DRC1: variants seen among roughly 807,000 people sequenced by gnomAD.
DRC1 encodes the protein dynein regulatory complex protein 1.
Under a neutral mutation model 98.7 loss-of-function variants are expected in DRC1, and 74 were observed. That is an observed-to-expected ratio of 0.75 (90% confidence interval 0.62 to 0.91). The LOEUF is 0.91. Ranked by LOEUF, DRC1 falls within the 40% of genes least tolerant of loss-of-function variation. The pLI, the probability that DRC1 is intolerant of heterozygous loss-of-function variation, is 0.00. For synonymous variants in DRC1, 336 were observed against 334.1 expected, an observed-to-expected ratio of 1.01 and a Z score of -0.06; for missense variants, 875 against 886.0, an observed-to-expected ratio of 0.99 and a Z score of 0.16.
chr2:26,414,210 T>C (rs1269219792), intron 1 of DRC1, 134 bp from the exon 2 acceptor site: 1 of 683,924 alleles, frequency 1.5e-6, no homozygotes, highest in African/African-American at 1.8e-5. Flanking sequence ...CTCCTGGCCT[T>C]AAGCAATCCT....
intron 7 of DRC1, among the ~76,000 whole-genome samples, chr2:26,434,576 A>G (rs1663521623): frequency 6.6e-6 from 1 of 152,180 alleles, no homozygotes; most frequent in South Asian, 2.1e-4. Context: ...TCCTGCCCTC[A>G]AGGAACTTAT....
chr2:26,403,970 C>T lies in DRC1; in HGVS notation c.155+1826C>T, dbSNP rs570881516. Among the ~76,000 whole-genome samples, 38 of 150,552 alleles carry T rather than the reference C, an allele frequency of 2.5e-4. No individual in the cohort carries two copies. In the South Asian group the frequency reaches 5.5e-3, roughly 22 times the overall value. On this transcript the variant is annotated intron_variant, in intron 1 of 16. Coordinates refer to ENST00000288710, the MANE Select transcript of DRC1 (RefSeq NM_145038.5). ...CAAAAATTAGCCAGGCATGGTGGCGCGCGCCTGTAATCCCAGCTACTCAGG... is the reference window on the plus strand; with the variant it reads ...CAAAAATTAGCCAGGCATGGTGGCGTGCGCCTGTAATCCCAGCTACTCAGG...
intron 2 of DRC1, among the ~76,000 whole-genome samples, chr2:26,418,548 T>G (rs1678892055): frequency 8.8e-6 from 1 of 113,044 alleles, no homozygotes; most frequent in South Asian, 2.4e-4. Flanking sequence ...TATTATAAAT[T>G]ATATATAATT....
chr2:26,442,077 A>G (rs913405321), intron 8 of DRC1, among the ~76,000 whole-genome samples: 11 of 152,226 alleles, frequency 7.2e-5, no homozygotes, highest in African/African-American at 2.4e-4. Flanking sequence ...TGAGGGCTGC[A>G]TCTTTCAGAG....
intron 6 of DRC1, among the ~76,000 whole-genome samples, chr2:26,431,591 G>A (rs963550715): frequency 6.6e-6 from 1 of 152,026 alleles, no homozygotes; most frequent in Non-Finnish European, 1.5e-5. Context: ...TGATTTCAGG[G>A]TCTGTGCGTA....
chr2:26,442,977 A>C (rs1197653364), intron 8 of DRC1, among the ~76,000 whole-genome samples: 1 of 152,188 alleles, frequency 6.6e-6, no homozygotes, highest in Non-Finnish European at 1.5e-5. Flanking sequence ...CATTGGGAAA[A>C]AACACTTTGG....
Position 26,402,111 on chromosome 2 carries a change from T to C in DRC1, c.122T>C (p.Leu41Pro), listed in dbSNP as rs546435289. The change falls in exon 1 of 17, where the codon CTC becomes CCC. Residue 41 changes from leucine to proline, a missense_variant. Leu to Pro is a moderately conservative substitution (Grantham distance 98). Transcript: ENST00000288710. ...NSQERIQARR[L>P]RIAARLEARR... ...CAGGAGCGCATCCAGGCCCGGCGCC[T>C]CCGCATCGCTGCGCGCTTAGAAGCC... 3 of 1,611,328 alleles carry C rather than the reference T, an allele frequency of 1.9e-6. No individual in the cohort carries two copies. The highest frequency in any genetic ancestry group is 1.1e-5 in the South Asian group (1 of 90,930).
intron 7 of DRC1, among the ~76,000 whole-genome samples, chr2:26,437,000 G>T (rs1663590819): frequency 6.6e-6 from 1 of 152,090 alleles, no homozygotes; most frequent in Middle Eastern, 3.2e-3. Context: ...CTTTTCTATT[G>T]GACTTTTGTG....
At chr2:26,428,109 T>C (rs773806992) in intron 4 of DRC1, among the ~76,000 whole-genome samples, 3 of 152,246 alleles carry the variant, frequency 2.0e-5, no homozygotes, top group Non-Finnish European at 4.4e-5. Context: ...ATCTTTAGTT[T>C]TTCTGCATAT....
At chr2:26,426,943 T>C (rs75527221) in intron 4 of DRC1, among the ~76,000 whole-genome samples, 3,428 of 152,224 alleles carry the variant, frequency 0.023, 122 homozygotes, top group African/African-American at 0.076. Context: ...TTTCTTTTAG[T>C]AATGTTTTAC....
At chr2:26,419,210 T>A (rs1188618397) in intron 2 of DRC1, among the ~76,000 whole-genome samples, 2 of 152,128 alleles carry the variant, frequency 1.3e-5, no homozygotes, top group Non-Finnish European at 1.5e-5. Context: ...TTAACAATTT[T>A]TACATGATAC....
chr2:26,439,904 A>G (rs1472890842), intron 7 of DRC1, among the ~76,000 whole-genome samples: 1 of 34,044 alleles, frequency 2.9e-5, no homozygotes, highest in Admixed American at 2.0e-4. Flanking sequence ...CCCACAAGCT[A>G]GGGCCAACTA....
chr2:26,431,792 T>A (rs768836266), intron 6 of DRC1, 92 bp from the exon 7 acceptor site: 1 of 1,547,350 alleles, frequency 6.5e-7, no homozygotes, highest in Non-Finnish European at 8.7e-7. Flanking sequence ...ACTTCCAAAC[T>A]CTCCCCTGTG....
At chr2:26,434,367 C>CAA (rs1180736558) in intron 7 of DRC1, among the ~76,000 whole-genome samples, 2 of 152,174 alleles carry the variant, frequency 1.3e-5, no homozygotes, top group Non-Finnish European at 2.9e-5. Flanking sequence ...CTGCTAGAAA[C>CAA]ATTTAATTCT....
chr2:26,410,474 G>A (rs1018950018), intron 1 of DRC1, among the ~76,000 whole-genome samples: 9 of 152,048 alleles, frequency 5.9e-5, no homozygotes, highest in African/African-American at 1.9e-4. Flanking sequence ...GTTTCACCAT[G>A]TTGGCCAGGC....
At chr2:26,435,334 C>G (rs952497831) in intron 7 of DRC1, among the ~76,000 whole-genome samples, 2 of 152,138 alleles carry the variant, frequency 1.3e-5, no homozygotes, top group Non-Finnish European at 1.5e-5. Flanking sequence ...TGCCATTAGT[C>G]TTGGGAACAT....
rs190254726 is a variant in DRC1, at chr2:26,454,595, G to A, written c.1920-52G>A. ...AGGCCTGTGACTGGCACTGCCTGGG[G>A]GCCTGGGTAGTACCCAATGGACATG... is the stretch of plus-strand genomic sequence containing the variant. On this transcript the variant is annotated intron_variant, in intron 14 of 16. Coordinates refer to ENST00000288710, the MANE Select transcript of DRC1 (RefSeq NM_145038.5). The surrounding 1 kb of genome is among the most constrained non-coding windows in gnomAD (Gnocchi z 5.2). The A allele has an allele frequency of 1.2e-6, 2 of 1,603,504 alleles. No homozygotes were observed. The highest frequency in any genetic ancestry group is 8.5e-7 in the Non-Finnish European group (1 of 1,173,868).
intron 8 of DRC1, among the ~76,000 whole-genome samples, chr2:26,441,755 T>C (rs1229659690): frequency 2.6e-5 from 4 of 152,146 alleles, no homozygotes; most frequent in African/African-American, 9.7e-5. Flanking sequence ...GAGGCAGAGC[T>C]TGGGTTTGAT....
intron 13 of DRC1, among the ~76,000 whole-genome samples, chr2:26,451,520 G>C (rs1357026497): frequency 6.6e-6 from 1 of 152,178 alleles, no homozygotes; most frequent in Admixed American, 6.5e-5. Context: ...CCTGTAAAAA[G>C]AGTTGGCTGG....
Sources: gnomAD v4.1 joint callset for allele counts (sites outside exome capture counted in the v4.1 genomes callset) on GRCh38, gnomAD v4.1.1 for gene constraint, Gnocchi (gnomAD v3.1) non-coding constraint, MANE v1.5 for transcripts, NCBI Gene and HGNC (gene_info 2026-07-23, HGNC 2026-07-21) for gene names.